The following FAF1 variants were observed in gnomAD, a reference collection of about 807,000 sequenced individuals.
The protein encoded by FAF1 is Fas associated factor 1.
FAF1 carries 25 observed loss-of-function variants against 92.5 expected under a neutral mutation model. The ratio of observed to expected loss-of-function variants is 0.27; its 90% CI spans 0.20 to 0.38. The LOEUF is 0.38. Ranked by LOEUF, FAF1 falls within the 10% of genes least tolerant of loss-of-function variation. The pLI, the probability that FAF1 is intolerant of heterozygous loss-of-function variation, is 1.00. For synonymous variants in FAF1, 234 were observed against 273.2 expected (o/e 0.86, Z 1.42); for missense variants, 636 against 793.3 (o/e 0.80, Z 2.38).
intron 2 of FAF1, among the ~76,000 whole-genome samples, chr1:50,827,487 A>G (rs1644111910): frequency 6.6e-6 from 1 of 152,196 alleles, no homozygotes; most frequent in African/African-American, 2.4e-5. Context: ...GGTCACAAAC[A>G]CTGCGGAAGG....
intron 8 of FAF1, among the ~76,000 whole-genome samples, chr1:50,628,754 G>A (rs1480702437): frequency 6.6e-6 from 1 of 152,160 alleles, no homozygotes; most frequent in Admixed American, 6.5e-5. Flanking sequence ...CCATAAAAAT[G>A]GAACTATGGC....
chr1:50,674,046 G>A lies in FAF1; in HGVS notation c.658-18518C>T, dbSNP rs551678105. 4.6e-5 allele frequency among the ~76,000 whole-genome samples: 7 copies of A among 152,138 alleles called. No individual in the cohort carries two copies. The South Asian group carries it at 6.2e-4, about 14-fold the overall frequency. ...GCTCACTGCAACCTCCGCCAGCCAG[G>A]TGCAAGTGATTCTCCTGCCTCAGCC... is the stretch of plus-strand genomic sequence containing the variant. On this transcript the variant is annotated intron_variant, in intron 7 of 18. Coordinates refer to ENST00000396153, the MANE Select transcript of FAF1 (RefSeq NM_007051.3).
intron 18 of FAF1, among the ~76,000 whole-genome samples, chr1:50,450,056 G>T (rs1044862782): frequency 6.6e-6 from 1 of 151,510 alleles, no homozygotes; most frequent in Non-Finnish European, 1.5e-5. Flanking sequence ...TTAGCTGGGC[G>T]TGGTGGTGCA....
At chr1:50,502,876 G>GGT (rs1476867808) in intron 15 of FAF1, among the ~76,000 whole-genome samples, 6 of 152,094 alleles carry the variant, frequency 3.9e-5, no homozygotes, top group Non-Finnish European at 8.8e-5. Context: ...CTGCAGTGCA[G>GGT]TGGCATGACC....
chr1:50,659,155 T>A (rs1198422129), intron 7 of FAF1, among the ~76,000 whole-genome samples: 1 of 151,616 alleles, frequency 6.6e-6, no homozygotes, highest in Non-Finnish European at 1.5e-5. Context: ...TATAAAATGA[T>A]ACAGATGAAT....
At chr1:50,499,372 T>G (rs919696713) in intron 15 of FAF1, among the ~76,000 whole-genome samples, 2 of 151,828 alleles carry the variant, frequency 1.3e-5, no homozygotes, top group African/African-American at 4.8e-5. Context: ...GGTTTTTTTT[T>G]TTTTTTTTTT....
At chr1:50,912,214 G>T (rs537529483) in intron 1 of FAF1, among the ~76,000 whole-genome samples, 19 of 152,294 alleles carry the variant, frequency 1.2e-4, no homozygotes, top group African/African-American at 3.6e-4. Context: ...AAGCACAGGA[G>T]ACAGGAATGG....
intron 2 of FAF1, among the ~76,000 whole-genome samples, chr1:50,832,244 C>T (rs1352842737): frequency 6.6e-6 from 1 of 152,128 alleles, no homozygotes. Context: ...TAAAACCAGT[C>T]CCAGGTGCTA....
chr1:50,798,741 C>T (rs1661858821), intron 3 of FAF1, among the ~76,000 whole-genome samples: 1 of 152,118 alleles, frequency 6.6e-6, no homozygotes, highest in South Asian at 2.1e-4. Context: ...ATCCTATCTA[C>T]CTGTAAAATG....
chr1:50,686,681 A>C (rs1485444142), intron 7 of FAF1, among the ~76,000 whole-genome samples: 4 of 152,140 alleles, frequency 2.6e-5, no homozygotes, highest in African/African-American at 4.8e-5. Context: ...TCCAGTGCTT[A>C]ATATCAAACT....
chr1:50,582,692 C>A lies in FAF1; in HGVS notation c.1039G>T (p.Asp347Tyr). ...FTAEFSSRYGDCHPVFFIGSL... is the reference protein window; with the variant it reads ...FTAEFSSRYGYCHPVFFIGSL... ...CCAATAAAAAATACAGGATGGCAAT[C>A]ACCATATCTATAGGAAAAAGTGAGT... Residue 347 changes from aspartate (D) to tyrosine (Y), a missense_variant, in exon 12 of 19, where the codon GAT becomes TAT. Coordinates refer to ENST00000396153, the MANE Select transcript of FAF1 (RefSeq NM_007051.3). 1 of 1,602,868 alleles carries A rather than the reference C, an allele frequency of 6.2e-7. No individual in the cohort carries two copies. Among genetic ancestry groups the A allele is most frequent in the Non-Finnish European group, 8.5e-7 (1 of 1,170,054 alleles).
At chr1:50,654,822 A>G (rs1285090512) in intron 8 of FAF1, among the ~76,000 whole-genome samples, 1 of 152,182 alleles carries the variant, frequency 6.6e-6, no homozygotes, top group Non-Finnish European at 1.5e-5. Context: ...ACTAAGTCAA[A>G]GTCAAATCCA....
At chr1:50,447,689 C>T (rs777897747) in intron 18 of FAF1, among the ~76,000 whole-genome samples, 3 of 152,202 alleles carry the variant, frequency 2.0e-5, no homozygotes, top group Non-Finnish European at 4.4e-5. Flanking sequence ...AACTCCAAAA[C>T]CTCATCCATC....
At position 50,715,419 on chromosome 1, in the gene FAF1, C is replaced by T. The variant is rs574637514; in HGVS notation, c.552-9528G>A. 7.2e-5 allele frequency among the ~76,000 whole-genome samples: 11 copies of T among 152,084 alleles called. No individual in the cohort carries two copies. In the South Asian group the frequency reaches 2.3e-3, roughly 32 times the overall value. On this transcript the variant is annotated intron_variant, in intron 6 of 18. Transcript: ENST00000396153. The stretch of plus-strand genomic sequence containing the variant: ...GAGTTTAAGACCAGCCTGGGCAACA[C>T]AGAAAGGTCCTGTCTCAAAATAAAC...
At chr1:50,713,251 T>TAATGAAACAGTTA (rs1553131115) in intron 6 of FAF1, among the ~76,000 whole-genome samples, 473 of 73,746 alleles carry the variant, frequency 6.4e-3, no homozygotes, top group South Asian at 0.017. Flanking sequence ...ATGAAACAGT[T>TAATGAAACAGTTA]AAAAAAAAAA....
intron 7 of FAF1, among the ~76,000 whole-genome samples, chr1:50,701,436 G>A (rs1657470336): frequency 6.6e-6 from 1 of 151,836 alleles, no homozygotes; most frequent in Admixed American, 6.6e-5. Flanking sequence ...AACATTTACA[G>A]AAAGGCCATG....
At chr1:50,778,864 T>C (rs1020892282) in intron 4 of FAF1, among the ~76,000 whole-genome samples, 3 of 151,102 alleles carry the variant, frequency 2.0e-5, no homozygotes, top group African/African-American at 4.9e-5. Flanking sequence ...CACACACAAA[T>C]AGAGCTTGCT....
rs185569167 is a variant in FAF1 at position 50,514,892 on chromosome 1, T to G, written c.1494+20477A>C. ...AGAGACAATGTACACATCTGCCTGG[T>G]AACCTAGGATGGAGCCTGTACATTT... On this transcript the variant is annotated intron_variant, in intron 15 of 18. Coordinates refer to ENST00000396153, the MANE Select transcript of FAF1 (RefSeq NM_007051.3). Among the ~76,000 whole-genome samples, 497 of 152,300 alleles carry G rather than the reference T, an allele frequency of 3.3e-3. 14 individuals carry two copies. Among genetic ancestry groups the G allele is most frequent in the Admixed American group, 0.027 (419 of 15,302 alleles).
rs1375611126 is a variant in FAF1, at chr1:50,610,352, A to G, written c.745-14136T>C. 3.9e-5 allele frequency among the ~76,000 whole-genome samples: 6 copies of G among 152,344 alleles called. No homozygotes were observed. The East Asian group carries it at 1.2e-3, about 29-fold the overall frequency. ...AACATAATTTTCTACACATTACTTG[A>G]GATTTCACACCATAATGGCTTACCA... is the stretch of plus-strand genomic sequence containing the variant. On this transcript the variant is annotated intron_variant, in intron 8 of 18. Transcript: ENST00000396153.
Sources: allele counts gnomAD v4.1 joint callset (sites outside exome capture counted in the v4.1 genomes callset), GRCh38; gene constraint gnomAD v4.1.1; transcripts MANE v1.5; gene names NCBI Gene and HGNC (gene_info 2026-07-23, HGNC 2026-07-21).